Variants in RBPMS observed in about 807,000 individuals in gnomAD.
RBPMS encodes RNA binding protein, mRNA processing factor.
RBPMS carries 7 observed loss-of-function variants against 26.8 expected under a neutral mutation model. That is an observed-to-expected ratio of 0.26 (90% CI 0.15 to 0.49). The LOEUF (loss-of-function observed/expected upper bound fraction) is 0.49. Among genes scored for constraint, RBPMS ranks in the 20% least tolerant of loss-of-function variants. The probability of loss-of-function intolerance (pLI) is 0.98; values close to 1 mark genes in which losing one functional copy is unlikely to be tolerated. For synonymous variants in RBPMS, 96 were observed against 93.3 expected, an observed-to-expected ratio of 1.03 and a Z score of -0.17; for missense variants, 186 against 250.0, an observed-to-expected ratio of 0.74 and a Z score of 1.73.
At chr8:30,433,695 G>A (rs564110609) in intron 1 of RBPMS, among the ~76,000 whole-genome samples, 8 of 152,054 alleles carry the variant, frequency 5.3e-5, no homozygotes, top group African/African-American at 1.4e-4. Context: ...AGAAAAAGAG[G>A]GTGAATTCTA....
At chr8:30,541,330 A>C (rs1224125091) in intron 5 of RBPMS, among the ~76,000 whole-genome samples, 1 of 152,192 alleles carries the variant, frequency 6.6e-6, no homozygotes, top group Non-Finnish European at 1.5e-5. Context: ...TACAGGGTGG[A>C]GTTGGAAGTT....
chr8:30,409,339 G>A (rs986464333), intron 1 of RBPMS, among the ~76,000 whole-genome samples: 24 of 151,698 alleles, frequency 1.6e-4, no homozygotes, highest in African/African-American at 5.6e-4. Flanking sequence ...GATTACAGGT[G>A]TGAACCACCA....
At chr8:30,451,105 G>T (rs893117149) in intron 1 of RBPMS, among the ~76,000 whole-genome samples, 11 of 152,106 alleles carry the variant, frequency 7.2e-5, no homozygotes, top group African/African-American at 2.7e-4. Context: ...ACAGGCTGAG[G>T]GTTCTGGATT....
At chr8:30,549,110 C>T (rs1162449929) in intron 6 of RBPMS, among the ~76,000 whole-genome samples, 4 of 152,176 alleles carry the variant, frequency 2.6e-5, no homozygotes, top group Non-Finnish European at 5.9e-5. Flanking sequence ...GTACGGTGGC[C>T]AGTGCTGTGA....
intron 1 of RBPMS, among the ~76,000 whole-genome samples, chr8:30,416,846 T>C (rs1810144382): frequency 6.6e-6 from 1 of 152,148 alleles, no homozygotes; most frequent in Non-Finnish European, 1.5e-5. Flanking sequence ...CTCGACTCAC[T>C]GCAAGCTCTG....
At chr8:30,549,711 C>A in intron 6 of RBPMS, 2 of 640,576 alleles carry the variant, frequency 3.1e-6, no homozygotes, top group South Asian at 3.6e-5. Context: ...CTTTCCCAGG[C>A]CCTTCCTGGA....
At chr8:30,487,617 A>T (rs1203419549) in intron 4 of RBPMS, among the ~76,000 whole-genome samples, 4 of 152,172 alleles carry the variant, frequency 2.6e-5, no homozygotes, top group African/African-American at 9.6e-5. Flanking sequence ...CAAATAGTCA[A>T]AATTTTTTAT....
intron 4 of RBPMS, among the ~76,000 whole-genome samples, chr8:30,496,280 T>A (rs1025504740): frequency 5.9e-5 from 9 of 152,008 alleles, no homozygotes; most frequent in Non-Finnish European, 1.3e-4. Flanking sequence ...GCCATTCTCC[T>A]GCCTCAGCCT....
At chr8:30,513,577 G>A (rs1238871425) in intron 5 of RBPMS, among the ~76,000 whole-genome samples, 1 of 122,358 alleles carries the variant, frequency 8.2e-6, no homozygotes, top group African/African-American at 3.1e-5. Context: ...GACACAGCGA[G>A]ACTCCATCTC....
At chr8:30,445,093 T>G (rs1198787821) in intron 1 of RBPMS, 1 of 152,200 alleles carries the variant, frequency 6.6e-6, no homozygotes, top group Non-Finnish European at 1.5e-5. Flanking sequence ...TATATTACAT[T>G]TGGCCTGAAA....
chr8:30,554,451 T>TG (rs1826667329), intron 6 of RBPMS, among the ~76,000 whole-genome samples: 1 of 152,230 alleles, frequency 6.6e-6, no homozygotes, highest in Non-Finnish European at 1.5e-5. Flanking sequence ...TGGAACTTCT[T>TG]GGAGCCATTA....
At chr8:30,489,841 C>T (rs918348490) in intron 4 of RBPMS, among the ~76,000 whole-genome samples, 4 of 151,840 alleles carry the variant, frequency 2.6e-5, no homozygotes, top group Admixed American at 1.3e-4. Context: ...GACGGAGTCT[C>T]GCTGTGTTAC....
intron 1 of RBPMS, among the ~76,000 whole-genome samples, chr8:30,422,521 A>T (rs1242068659): frequency 6.6e-6 from 1 of 152,128 alleles, no homozygotes; most frequent in Non-Finnish European, 1.5e-5. Flanking sequence ...CTCCTGCCTC[A>T]GCCTCCCAAG....
At chr8:30,548,922 G>A (rs185097468) in intron 6 of RBPMS, among the ~76,000 whole-genome samples, 7 of 152,328 alleles carry the variant, frequency 4.6e-5, no homozygotes, top group South Asian at 2.1e-4. Flanking sequence ...CTTTGGTGTC[G>A]GGTATGTTTT....
At chr8:30,492,473 C>T (rs931989852) in intron 4 of RBPMS, among the ~76,000 whole-genome samples, 1 of 152,010 alleles carries the variant, frequency 6.6e-6, no homozygotes, top group Non-Finnish European at 1.5e-5. Context: ...AAAAAAATAC[C>T]CCTTTTATCT....
chr8:30,541,591 T>C (rs1215106839), intron 5 of RBPMS, among the ~76,000 whole-genome samples: 3 of 152,116 alleles, frequency 2.0e-5, no homozygotes, highest in Non-Finnish European at 4.4e-5. Context: ...TACTGGGGCC[T>C]GGCTCACTCT....
chr8:30,418,543 T>A (rs900335298), intron 1 of RBPMS, among the ~76,000 whole-genome samples: 7 of 152,172 alleles, frequency 4.6e-5, no homozygotes, highest in Non-Finnish European at 1.0e-4. Flanking sequence ...TTCTGTTAGA[T>A]TGCATTTTTG....
intron 4 of RBPMS, among the ~76,000 whole-genome samples, chr8:30,485,895 C>T (rs1366217774): frequency 6.6e-6 from 1 of 152,248 alleles, no homozygotes; most frequent in East Asian, 1.9e-4. Flanking sequence ...TGTTATAAAA[C>T]CTCCCTACGA....
intron 1 of RBPMS, among the ~76,000 whole-genome samples, chr8:30,471,997 A>G (rs1362346810): frequency 1.3e-5 from 2 of 152,238 alleles, no homozygotes; most frequent in African/African-American, 2.4e-5. Context: ...ACATAAGACA[A>G]GGAATTGATG....
Sources: allele counts gnomAD v4.1 joint callset (sites outside exome capture counted in the v4.1 genomes callset), GRCh38; gene constraint gnomAD v4.1.1; transcripts MANE v1.5; gene names NCBI Gene and HGNC (gene_info 2026-07-23, HGNC 2026-07-21).